Variants in CSMD1 observed in about 807,000 individuals in gnomAD.
The protein encoded by CSMD1 is CUB and sushi domain-containing protein 1.
A neutral mutation model predicts 417.5 loss-of-function variants in CSMD1; 213 were observed. The ratio of observed to expected loss-of-function variants is 0.51; its 90% CI spans 0.46 to 0.57. CSMD1 has a LOEUF of 0.57. Among genes scored for constraint, CSMD1 ranks in the 20% least tolerant of loss-of-function variants. The pLI, the probability that CSMD1 is intolerant of heterozygous loss-of-function variation, is 0.00. For missense variants in CSMD1, 6,923 were observed against 4,529.7 expected, an observed-to-expected ratio of 1.53 and a Z score of -15.17; for synonymous variants, 2,862 against 1,736.8, an observed-to-expected ratio of 1.65 and a Z score of -16.11.
intron 51 of CSMD1, among the ~76,000 whole-genome samples, chr8:3,026,579 C>A (rs1045364581): frequency 6.6e-6 from 1 of 152,062 alleles, no homozygotes; most frequent in Non-Finnish European, 1.5e-5. Context: ...CCGGACCTCA[C>A]TGGGCTTGAC....
chr8:3,392,410 C>G (rs80015198), intron 17 of CSMD1, among the ~76,000 whole-genome samples: 2,756 of 152,096 alleles, frequency 0.018, 78 homozygotes, highest in African/African-American at 0.062. Flanking sequence ...CCTATTTTGT[C>G]GAAGGGTGCT....
chr8:4,076,689 G>C (rs1480817338), intron 3 of CSMD1, among the ~76,000 whole-genome samples: 2 of 152,184 alleles, frequency 1.3e-5, no homozygotes, highest in East Asian at 3.9e-4. Flanking sequence ...AAAACATTTA[G>C]CCATATCTTG....
intron 36 of CSMD1, among the ~76,000 whole-genome samples, chr8:3,186,555 G>A (rs1302178427): frequency 1.3e-5 from 2 of 152,158 alleles, no homozygotes; most frequent in Non-Finnish European, 2.9e-5. Context: ...ACCATTTGAA[G>A]TGATAAAATG....
rs1033628923 is a variant in CSMD1, at chr8:4,045,095, C to G, written c.416-12996G>C. Among the ~76,000 whole-genome samples, 11 of 152,136 alleles carry G rather than the reference C, an allele frequency of 7.2e-5. No homozygotes were observed. The East Asian group carries it at 2.1e-3, about 29-fold the overall frequency. On this transcript the variant is annotated intron_variant, in intron 3 of 69. Transcript: ENST00000635120. ...TATGGTGTGGAGGCCACAGACGGGG[C>G]ACAGGGAGACACTGAACATGGCAGT...
intron 1 of CSMD1, among the ~76,000 whole-genome samples, chr8:4,842,086 T>C (rs1020485011): frequency 1.3e-5 from 2 of 152,156 alleles, no homozygotes; most frequent in Non-Finnish European, 2.9e-5. Flanking sequence ...CACCTATGTG[T>C]ACCATTCTGT....
chr8:4,979,918 C>A (rs4521778), intron 1 of CSMD1, among the ~76,000 whole-genome samples: 2 of 151,896 alleles, frequency 1.3e-5, no homozygotes, highest in Admixed American at 1.3e-4. Context: ...GGCGCCAGTA[C>A]TCCCAGCTAC....
At position 3,837,217 on chromosome 8, in the gene CSMD1, C is replaced by A. The variant is rs78613611; in HGVS notation, c.819-83175G>T. The stretch of plus-strand genomic sequence containing the variant: ...TCAAAGAAAACATTGGCCAATTATT[C>A]CAGAATAGATGTGCATAGCTAAAGC... On this transcript the variant is annotated intron_variant, in intron 5 of 69. Coordinates refer to ENST00000635120, the MANE Select transcript of CSMD1 (RefSeq NM_033225.6). Among the ~76,000 whole-genome samples the A allele has an allele frequency of 3.0e-3, 462 of 152,104 alleles. 13 individuals are homozygous for A. The East Asian group carries it at 0.069, about 23-fold the overall frequency.
chr8:3,552,169 T>A (rs1431439183), intron 10 of CSMD1, among the ~76,000 whole-genome samples: 1 of 152,184 alleles, frequency 6.6e-6, no homozygotes, highest in Non-Finnish European at 1.5e-5. Flanking sequence ...GAGGTGAGAT[T>A]TTCTGCACAA....
intron 3 of CSMD1, among the ~76,000 whole-genome samples, chr8:4,153,649 C>A (rs17404997): frequency 6.6e-6 from 1 of 152,188 alleles, no homozygotes; most frequent in African/African-American, 2.4e-5. Context: ...AGCTGACATC[C>A]TTTATTTTCT....
chr8:3,872,827 A>G (rs1008665051), intron 5 of CSMD1, among the ~76,000 whole-genome samples: 20 of 148,538 alleles, frequency 1.3e-4, no homozygotes, highest in Non-Finnish European at 5.9e-5. Flanking sequence ...CAAATTTACA[A>G]TAAGACAGCT....
At chr8:4,632,239 G>T (rs1049332789) in intron 2 of CSMD1, among the ~76,000 whole-genome samples, 3 of 152,116 alleles carry the variant, frequency 2.0e-5, no homozygotes, top group Non-Finnish European at 1.5e-5. Flanking sequence ...ACTTATTGAC[G>T]ATGTGAAAGT....
intron 1 of CSMD1, among the ~76,000 whole-genome samples, chr8:4,841,528 T>C (rs1354070237): frequency 6.6e-6 from 1 of 152,148 alleles, no homozygotes; most frequent in Non-Finnish European, 1.5e-5. Context: ...TAAAAAGTAA[T>C]GTGTCATACA....
At chr8:3,522,937 A>G (rs1383792819) in intron 10 of CSMD1, among the ~76,000 whole-genome samples, 2 of 150,614 alleles carry the variant, frequency 1.3e-5, no homozygotes, top group Non-Finnish European at 3.0e-5. Context: ...ATATTTATAT[A>G]TTGACAAATA....
intron 6 of CSMD1, among the ~76,000 whole-genome samples, chr8:3,749,882 T>C (rs1159274982): frequency 1.3e-5 from 2 of 152,192 alleles, no homozygotes; most frequent in African/African-American, 4.8e-5. Context: ...TCGCATCTCC[T>C]GGGGACATTC....
chr8:4,595,758 G>A (rs928955318), intron 2 of CSMD1, among the ~76,000 whole-genome samples: 1 of 152,118 alleles, frequency 6.6e-6, no homozygotes, highest in Non-Finnish European at 1.5e-5. Context: ...CAAAACAAAT[G>A]CCATTCTTAT....
intron 1 of CSMD1, among the ~76,000 whole-genome samples, chr8:4,793,436 T>G (rs768794953): frequency 2.6e-5 from 4 of 151,970 alleles, no homozygotes; most frequent in Non-Finnish European, 5.9e-5. Context: ...CCCAGCTCTT[T>G]ATCACTTTCT....
chr8:4,479,972 A>T (rs1317063897), intron 2 of CSMD1, among the ~76,000 whole-genome samples: 1 of 151,186 alleles, frequency 6.6e-6, no homozygotes, highest in Non-Finnish European at 1.5e-5. Context: ...TCTCAAAAAA[A>T]AAAAAAAATA....
At chr8:3,606,447 T>C (rs942106045) in intron 8 of CSMD1, among the ~76,000 whole-genome samples, 11 of 151,868 alleles carry the variant, frequency 7.2e-5, no homozygotes, top group African/African-American at 2.7e-4. Context: ...TACCTAAACA[T>C]AGAAAAGGAG....
At chr8:3,197,240 C>T (rs1796750752) in intron 33 of CSMD1, among the ~76,000 whole-genome samples, 1 of 143,840 alleles carries the variant, frequency 7.0e-6, no homozygotes, top group South Asian at 2.4e-4. Flanking sequence ...TGGAGTCACA[C>T]GTTTTTTTGC....
Sources: gnomAD v4.1 joint callset for allele counts (sites outside exome capture counted in the v4.1 genomes callset) on GRCh38, gnomAD v4.1.1 for gene constraint, MANE v1.5 for transcripts, NCBI Gene and HGNC (gene_info 2026-07-23, HGNC 2026-07-21) for gene names.